Variants in PTP4A2 observed in about 807,000 individuals in gnomAD.
The protein encoded by PTP4A2 is protein tyrosine phosphatase 4A2.
Under a neutral mutation model 22.9 loss-of-function variants are expected in PTP4A2, and 2 were observed. That is an observed-to-expected ratio of 0.09 (90% confidence interval 0.04 to 0.27). PTP4A2 has a LOEUF of 0.27. PTP4A2 is among the 10% of genes least tolerant of loss of function. PTP4A2 has a pLI of 1.00. For synonymous variants in PTP4A2, 68 were observed against 69.1 expected (o/e 0.98, Z 0.08); for missense variants, 103 against 205.1 (o/e 0.50, Z 3.04).
chr1:31,926,294 C>T (rs977382370), intron 1 of PTP4A2, among the ~76,000 whole-genome samples: 1 of 151,294 alleles, frequency 6.6e-6, no homozygotes, highest in Non-Finnish European at 1.5e-5. Context: ...CAAATTAAAA[C>T]AGCACATTAA....
chr1:31,928,261 A>G (rs1652564143), intron 1 of PTP4A2, among the ~76,000 whole-genome samples: 1 of 148,120 alleles, frequency 6.8e-6, no homozygotes, highest in African/African-American at 2.5e-5. Flanking sequence ...TATATACAAT[A>G]TAATATTAAT....
intron 3 of PTP4A2, chr1:31,913,725 CATT>C (rs1651669186): frequency 2.3e-6 from 1 of 443,630 alleles, no homozygotes; most frequent in Non-Finnish European, 4.5e-6. Flanking sequence ...TTAGGCCTAC[CATT>C]ATCTTCCTCA....
At chr1:31,936,783 A>T (rs922957017) in intron 1 of PTP4A2, among the ~76,000 whole-genome samples, 3 of 152,198 alleles carry the variant, frequency 2.0e-5, no homozygotes, top group African/African-American at 7.2e-5. Context: ...CTGTATCCTT[A>T]ATCTCCTTTT....
At chr1:31,934,712 A>T (rs540901136) in intron 1 of PTP4A2, among the ~76,000 whole-genome samples, 2 of 152,336 alleles carry the variant, frequency 1.3e-5, no homozygotes, top group East Asian at 3.8e-4. Flanking sequence ...TTTCAAGTCA[A>T]CTATATATGG....
intron 1 of PTP4A2, chr1:31,932,894 G>A (rs1652781591): frequency 6.6e-6 from 1 of 152,258 alleles, no homozygotes; most frequent in African/African-American, 2.4e-5. Context: ...GGAGTCAAGG[G>A]AGCCCATAGA....
intron 2 of PTP4A2, among the ~76,000 whole-genome samples, chr1:31,918,703 GTTAA>G (rs1390766802): frequency 3.3e-5 from 5 of 152,156 alleles, no homozygotes; most frequent in African/African-American, 1.2e-4. Context: ...GTCAATAAAT[GTTAA>G]TTATCATTAC....
At chr1:31,914,739 T>G (rs1220478697) in intron 3 of PTP4A2, among the ~76,000 whole-genome samples, 3 of 152,178 alleles carry the variant, frequency 2.0e-5, no homozygotes, top group African/African-American at 4.8e-5. Flanking sequence ...GACAACTACT[T>G]AGGGAAGAAA....
intron 1 of PTP4A2, among the ~76,000 whole-genome samples, chr1:31,937,087 T>C (rs985767601): frequency 1.3e-5 from 2 of 152,170 alleles, no homozygotes; most frequent in African/African-American, 4.8e-5. Context: ...CTGAACACTC[T>C]ACAGGCCAGA....
chr1:31,934,798 T>C (rs994850692), intron 1 of PTP4A2, among the ~76,000 whole-genome samples: 3 of 152,230 alleles, frequency 2.0e-5, no homozygotes, highest in African/African-American at 7.2e-5. Flanking sequence ...CAAAGTTCAA[T>C]GATGTTGTAA....
At chr1:31,909,782 C>G (rs1651438125) in intron 5 of PTP4A2, among the ~76,000 whole-genome samples, 1 of 152,038 alleles carries the variant, frequency 6.6e-6, no homozygotes, top group South Asian at 2.1e-4. Flanking sequence ...TTAAAAGGGG[C>G]ATTTTTGAGA....
chr1:31,914,049 T>C, intron 3 of PTP4A2: 2 of 382,068 alleles, frequency 5.2e-6, no homozygotes, highest in South Asian at 2.0e-5. Flanking sequence ...AGCAAATTAT[T>C]ACCATGCCAA....
At chr1:31,923,067 G>A (rs1472384530) in intron 1 of PTP4A2, among the ~76,000 whole-genome samples, 2 of 151,340 alleles carry the variant, frequency 1.3e-5, no homozygotes, top group African/African-American at 4.9e-5. Flanking sequence ...AAGTAGCTGT[G>A]ATTACAGGCA....
chr1:31,909,929 C>T, intron 5 of PTP4A2, 109 bp downstream of exon 5: 1 of 928,574 alleles, frequency 1.1e-6, no homozygotes, highest in Non-Finnish European at 1.6e-6. Context: ...ATACTTCAAG[C>T]CAAAAAAAGC....
At chr1:31,922,310 C>G (rs1228323497) in intron 1 of PTP4A2, among the ~76,000 whole-genome samples, 3 of 152,166 alleles carry the variant, frequency 2.0e-5, no homozygotes, top group Non-Finnish European at 4.4e-5. Context: ...ATGGAGAAAC[C>G]CCATCTCTAC....
chr1:31,925,152 G>A (rs1267456019), intron 1 of PTP4A2, among the ~76,000 whole-genome samples: 1 of 152,018 alleles, frequency 6.6e-6, no homozygotes, highest in Non-Finnish European at 1.5e-5. Context: ...GAAGGCTGGA[G>A]GTCAACAGCA....
At chr1:31,934,939 C>G (rs1053386678) in intron 1 of PTP4A2, among the ~76,000 whole-genome samples, 1 of 152,186 alleles carries the variant, frequency 6.6e-6, no homozygotes, top group Non-Finnish European at 1.5e-5. Context: ...TATTTTTCAT[C>G]TATAAAGGTG....
intron 1 of PTP4A2, among the ~76,000 whole-genome samples, chr1:31,934,552 A>G (rs1197827426): frequency 1.3e-5 from 2 of 152,342 alleles, no homozygotes; most frequent in East Asian, 3.9e-4. Flanking sequence ...AATCCTGTAA[A>G]ATAAATCCCT....
chr1:31,917,198 G>A (rs1171044984), intron 2 of PTP4A2, among the ~76,000 whole-genome samples: 1 of 152,188 alleles, frequency 6.6e-6, no homozygotes, highest in Non-Finnish European at 1.5e-5. Flanking sequence ...AGGCTTAAAG[G>A]TGACTGAACA....
chr1:31,910,179 A>C, intron 4 of PTP4A2, 67 bp from the exon 5 acceptor site: 1 of 1,217,240 alleles, frequency 8.2e-7, no homozygotes, highest in Non-Finnish European at 1.2e-6. Context: ...AAAAACCTGT[A>C]ACTGCATATT....
Sources: gnomAD v4.1 joint callset for allele counts (sites outside exome capture counted in the v4.1 genomes callset) on GRCh38, gnomAD v4.1.1 for gene constraint, MANE v1.5 for transcripts, NCBI Gene and HGNC (gene_info 2026-07-23, HGNC 2026-07-21) for gene names.